Variants in PAK2 observed in about 807,000 individuals in gnomAD.
The protein encoded by PAK2 is serine/threonine-protein kinase PAK 2.
In PAK2, 21 loss-of-function variants were observed where a neutral mutation model predicts 65.9. That is an observed-to-expected ratio of 0.32 (90% confidence interval 0.23 to 0.46). The LOEUF (loss-of-function observed/expected upper bound fraction) is 0.46. Among genes scored for constraint, PAK2 ranks in the 20% least tolerant of loss-of-function variants. The pLI is 1.00. For synonymous variants in PAK2, 204 were observed against 219.7 expected (o/e 0.93, Z 0.63); for missense variants, 324 against 642.6 (o/e 0.50, Z 5.36).
chr3:196,756,158 C>T (rs571237779), intron 1 of PAK2, among the ~76,000 whole-genome samples: 25 of 152,248 alleles, frequency 1.6e-4, no homozygotes, highest in African/African-American at 6.0e-4. Flanking sequence ...CACTTGACTT[C>T]CTTTACGCTT....
At chr3:196,784,172 T>A (rs1714805439) in intron 2 of PAK2, among the ~76,000 whole-genome samples, 1 of 152,144 alleles carries the variant, frequency 6.6e-6, no homozygotes. Flanking sequence ...ATCAGCATCT[T>A]TAGGGGCTTA....
chr3:196,747,982 C>A (rs1219970531), intron 1 of PAK2, among the ~76,000 whole-genome samples: 2 of 152,060 alleles, frequency 1.3e-5, no homozygotes, highest in Non-Finnish European at 2.9e-5. Context: ...TAACTTCCTG[C>A]CCTTCAGTGT....
At chr3:196,760,493 C>T (rs747248608) in intron 1 of PAK2, among the ~76,000 whole-genome samples, 4 of 152,034 alleles carry the variant, frequency 2.6e-5, no homozygotes, top group African/African-American at 7.2e-5. Flanking sequence ...TCAGGTGAAC[C>T]GCCGGCCTCA....
At chr3:196,804,626 C>T (rs1004225348) in intron 4 of PAK2, among the ~76,000 whole-genome samples, 4 of 151,978 alleles carry the variant, frequency 2.6e-5, no homozygotes, top group Non-Finnish European at 4.4e-5. Flanking sequence ...CGCCGCCACA[C>T]CTGGCTAATT....
In PAK2 at chr3:196,794,476, G is replaced by A. The variant is rs534761788; in HGVS notation, c.188-7451G>A. 4.4e-4 allele frequency among the ~76,000 whole-genome samples: 67 copies of A among 152,320 alleles called. No homozygotes were observed. In the Middle Eastern group the frequency reaches 0.024, roughly 54 times the overall value. ...TCTGCAACACCCGTTCCCCCTGTCC[G>A]CCTGGCGCCAAGTGTGGGAAAATCT... On this transcript the variant is annotated intron_variant, in intron 2 of 14. Coordinates refer to ENST00000327134, the MANE Select transcript of PAK2 (RefSeq NM_002577.4).
At chr3:196,769,647 T>TAAA (rs142503719) in intron 1 of PAK2, among the ~76,000 whole-genome samples, 26 of 147,274 alleles carry the variant, frequency 1.8e-4, no homozygotes, top group African/African-American at 3.8e-4. Context: ...CCGTCTCTCC[T>TAAA]AAAAAAAAAA....
At chr3:196,803,229 A>G in intron 4 of PAK2, 65 bp downstream of exon 4, 1 of 1,271,354 alleles carries the variant, frequency 7.9e-7, no homozygotes, top group Middle Eastern at 1.9e-4. Context: ...TAAAAAGATT[A>G]CTCCTGGAAA....
intron 2 of PAK2, among the ~76,000 whole-genome samples, chr3:196,788,515 T>C (rs71323750): frequency 0.098 from 14,963 of 152,236 alleles, 948 homozygotes; most frequent in Admixed American, 0.15. Context: ...ACAGAACAGA[T>C]CTTTTTTCCA....
intron 1 of PAK2, among the ~76,000 whole-genome samples, chr3:196,782,259 A>G (rs73074646): frequency 0.011 from 1,722 of 151,664 alleles, 38 homozygotes; most frequent in African/African-American, 0.039. Context: ...AAGATATCCT[A>G]TAATTTGCTG....
rs200536608 is a variant in PAK2, at chr3:196,805,318, G to A, written c.437-34G>A. 10 of 1,210,232 alleles carry A rather than the reference G, an allele frequency of 8.3e-6. 1 individual carries two copies. Among genetic ancestry groups the A allele is most frequent in the African/African-American group, 1.6e-5 (1 of 63,038 alleles). 75.0% of individuals were successfully genotyped at this position (1,210,232 alleles called of 1,614,324 possible). On this transcript the variant is annotated intron_variant, in intron 4 of 14. Transcript: ENST00000327134. ...TTATCATATAAAAGTGCTGTTTCTTGAATTGCTAATGTTATGTTTTGTTTC... is the reference window on the plus strand; with the variant it reads ...TTATCATATAAAAGTGCTGTTTCTTAAATTGCTAATGTTATGTTTTGTTTC...
chr3:196,756,652 A>G (rs1405769434), intron 1 of PAK2, among the ~76,000 whole-genome samples: 1 of 152,166 alleles, frequency 6.6e-6, no homozygotes, highest in Non-Finnish European at 1.5e-5. Context: ...CCTGCCCAAT[A>G]TGGTGAAACC....
At chr3:196,823,380 G>A (rs1461609650) in intron 13 of PAK2, among the ~76,000 whole-genome samples, 1 of 152,114 alleles carries the variant, frequency 6.6e-6, no homozygotes, top group Non-Finnish European at 1.5e-5. Context: ...TTCAGAAGAG[G>A]CTCGCCTCCA....
chr3:196,816,105 T>C (rs1716020268), intron 11 of PAK2, among the ~76,000 whole-genome samples: 1 of 152,152 alleles, frequency 6.6e-6, no homozygotes, highest in Admixed American at 6.6e-5. Context: ...ACTTCTAATG[T>C]CATAGGAATC....
chr3:196,815,678 T>C (rs1716000211), intron 11 of PAK2, among the ~76,000 whole-genome samples: 1 of 151,468 alleles, frequency 6.6e-6, no homozygotes, highest in Non-Finnish European at 1.5e-5. Context: ...TCTCAGCTAC[T>C]CGGGAGGCTG....
chr3:196,750,631 C>G (rs74795884), intron 1 of PAK2, among the ~76,000 whole-genome samples: 422 of 151,576 alleles, frequency 2.8e-3, no homozygotes, highest in African/African-American at 8.5e-3. Flanking sequence ...TCTTTCCTTG[C>G]TGTTTTTTGT....
intron 1 of PAK2, among the ~76,000 whole-genome samples, chr3:196,745,822 A>AAAAAAG (rs1713358528): frequency 6.6e-6 from 1 of 151,218 alleles, no homozygotes; most frequent in African/African-American, 2.4e-5. Flanking sequence ...TCTAAGTAAA[A>AAAAAAG]AAAAAAAAAG....
intron 11 of PAK2, among the ~76,000 whole-genome samples, chr3:196,815,373 T>C (rs1413968460): frequency 5.3e-5 from 8 of 150,996 alleles, no homozygotes; most frequent in Non-Finnish European, 5.9e-5. Flanking sequence ...ACGCCTGTAA[T>C]CCCAGCTACT....
chr3:196,771,676 A>G (rs1714364444), intron 1 of PAK2, among the ~76,000 whole-genome samples: 1 of 152,164 alleles, frequency 6.6e-6, no homozygotes, highest in South Asian at 2.1e-4. Flanking sequence ...CTTCCGCCTC[A>G]GCCTCCTGAG....
intron 7 of PAK2, among the ~76,000 whole-genome samples, chr3:196,808,526 A>G (rs543716970): frequency 4.4e-5 from 6 of 137,204 alleles, no homozygotes; most frequent in African/African-American, 1.1e-4. Flanking sequence ...GCGCCACTGC[A>G]CTCCAGCCTG....
Sources: gnomAD v4.1 joint callset for allele counts (sites outside exome capture counted in the v4.1 genomes callset) on GRCh38, gnomAD v4.1.1 for gene constraint, MANE v1.5 for transcripts, NCBI Gene and HGNC (gene_info 2026-07-23, HGNC 2026-07-21) for gene names.